Variants in ARHGEF38 observed in about 807,000 individuals in gnomAD.
ARHGEF38 encodes the protein Rho guanine nucleotide exchange factor 38, also known as Rho guanine nucleotide exchange factor (GEF) 38.
ARHGEF38 carries 79 observed loss-of-function variants against 79.9 expected under a neutral mutation model. The ratio of observed to expected loss-of-function variants is 0.99; its 90% confidence interval spans 0.82 to 1.19. The LOEUF (loss-of-function observed/expected upper bound fraction) is 1.19, where lower values mean the gene tolerates loss of function less well. ARHGEF38 is among the 50% of genes most tolerant of loss of function. The pLI, the probability that ARHGEF38 is intolerant of heterozygous loss-of-function variation, is 0.00. For missense variants in ARHGEF38, 962 were observed against 907.2 expected (o/e 1.06, Z -0.78); for synonymous variants, 366 against 328.3 (o/e 1.11, Z -1.24).
chr4:105,625,441 G>A (rs1389526606), intron 3 of ARHGEF38, among the ~76,000 whole-genome samples: 1 of 152,208 alleles, frequency 6.6e-6, no homozygotes, highest in East Asian at 1.9e-4. Context: ...AAGTCTGAAG[G>A]GGATGTGTTC....
intron 13 of ARHGEF38, among the ~76,000 whole-genome samples, chr4:105,673,968 G>C (rs1383149811): frequency 6.6e-6 from 1 of 152,134 alleles, no homozygotes; most frequent in African/African-American, 2.4e-5. Context: ...CATAAATGCT[G>C]ATTCTGTACC....
intron 7 of ARHGEF38, among the ~76,000 whole-genome samples, chr4:105,650,029 T>A (rs1350704237): frequency 6.6e-6 from 1 of 152,230 alleles, no homozygotes; most frequent in Admixed American, 6.5e-5. Context: ...AGATGATGCA[T>A]ACATCAAGAA....
chr4:105,632,206 C>T (rs895541177), intron 4 of ARHGEF38, among the ~76,000 whole-genome samples: 2 of 151,936 alleles, frequency 1.3e-5, no homozygotes, highest in East Asian at 3.9e-4. Context: ...ACTTTATTGC[C>T]GTCTACTGGT....
intron 5 of ARHGEF38, among the ~76,000 whole-genome samples, chr4:105,637,951 C>T (rs1250119235): frequency 1.3e-5 from 2 of 152,120 alleles, no homozygotes; most frequent in Non-Finnish European, 2.9e-5. Flanking sequence ...AAAAGAAGAG[C>T]AATCCCAGCA....
chr4:105,578,530 T>A (rs374139837), intron 1 of ARHGEF38, among the ~76,000 whole-genome samples: 164 of 152,302 alleles, frequency 1.1e-3, no homozygotes, highest in African/African-American at 3.8e-3. Flanking sequence ...TATTGAATTT[T>A]CCCACTATTA....
chr4:105,563,676 G>A (rs60645393), intron 1 of ARHGEF38, among the ~76,000 whole-genome samples: 145,896 of 152,146 alleles, frequency 0.96, 69,970 homozygotes, highest in East Asian at 1. Context: ...TTAGTTTTTA[G>A]TAGTAGTACC....
chr4:105,645,923 G>A (rs1050925730), intron 6 of ARHGEF38, among the ~76,000 whole-genome samples: 2 of 152,158 alleles, frequency 1.3e-5, no homozygotes, highest in African/African-American at 4.8e-5. Flanking sequence ...TTAACTATTT[G>A]TAAGCTAAAA....
Position 105,679,628 on chromosome 4 carries a change from T to G in ARHGEF38, c.*1691T>G, listed in dbSNP as rs1731242055. 1 of 825,496 alleles carries G rather than the reference T, an allele frequency of 1.2e-6. No homozygotes were observed. Among genetic ancestry groups the G allele is most frequent in the Admixed American group, 1.7e-5 (1 of 58,252 alleles). 51.1% of individuals were successfully genotyped at this position (825,496 alleles called of 1,614,324 possible). A position where few individuals can be genotyped will look rare whatever the true frequency, so the allele number is the denominator to read the frequency against. On this transcript the variant is annotated 3_prime_UTR_variant, in exon 14 of 14. Coordinates refer to ENST00000420470, the MANE Select transcript of ARHGEF38 (RefSeq NM_001242729.2). Reference sequence around the variant, plus strand: ...AAAAAATCAACAGCAGCATAAGAAATGGAAGCCAGAGACCTTATGGCATCC... The same window carrying G: ...AAAAAATCAACAGCAGCATAAGAAAGGGAAGCCAGAGACCTTATGGCATCC...
chr4:105,578,830 A>G (rs1726637710), intron 1 of ARHGEF38, among the ~76,000 whole-genome samples: 1 of 152,088 alleles, frequency 6.6e-6, no homozygotes, highest in Admixed American at 6.6e-5. Context: ...GACAGTTGAT[A>G]TTTGGTTTGT....
At chr4:105,624,709 G>A (rs2110508686) in intron 3 of ARHGEF38, among the ~76,000 whole-genome samples, 1 of 152,358 alleles carries the variant, frequency 6.6e-6, no homozygotes, top group South Asian at 2.1e-4. Context: ...AAAGTATTCA[G>A]ATGATCTGGC....
Position 105,679,314 on chromosome 4 carries a change from T to G in ARHGEF38, c.*1377T>G. 1 of 833,738 alleles carries G rather than the reference T, an allele frequency of 1.2e-6. No homozygotes were observed. The highest frequency in any genetic ancestry group is 1.9e-5 in the Admixed American group (1 of 51,474). The allele number at this position is 833,738 out of a possible 1,614,324, so 51.6% of individuals were successfully genotyped here. A position where few individuals can be genotyped will look rare whatever the true frequency, so the allele number is the denominator to read the frequency against. ...GAATCATGCCACTTTGCCTGTAACC[T>G]TTGACTCAATTGGAGGAATATCAAA... is the stretch of plus-strand genomic sequence containing the variant. On this transcript the variant is annotated 3_prime_UTR_variant, in exon 14 of 14. Transcript: ENST00000420470.
chr4:105,631,657 A>AGAT (rs1372111380), intron 4 of ARHGEF38: 1 of 983,960 alleles, frequency 1.0e-6, no homozygotes, highest in East Asian at 1.1e-4. Context: ...AGTATGTGTA[A>AGAT]GATAAAAACC....
In ARHGEF38 at chr4:105,679,803, A is replaced by T. The variant is rs530266600; in HGVS notation, c.*1866A>T. 8.8e-7 allele frequency: 1 copy of T among 1,136,556 alleles called. No homozygotes were observed. Among genetic ancestry groups the T allele is most frequent in the East Asian group, 2.4e-5 (1 of 42,524 alleles). The allele number at this position is 1,136,556 out of a possible 1,614,324, so 70.4% of individuals were successfully genotyped here. A position where few individuals can be genotyped will look rare whatever the true frequency, so the allele number is the denominator to read the frequency against. ...CCTGTCTGTCCAGCTTTACCCACGC[A>T]TCCAGAGAGATGGATATAGGACTCA... On this transcript the variant is annotated 3_prime_UTR_variant, in exon 14 of 14. Coordinates refer to ENST00000420470, the MANE Select transcript of ARHGEF38 (RefSeq NM_001242729.2).
intron 2 of ARHGEF38, among the ~76,000 whole-genome samples, chr4:105,607,378 A>G (rs1416919420): frequency 6.6e-6 from 1 of 152,148 alleles, no homozygotes; most frequent in Non-Finnish European, 1.5e-5. Context: ...TACAAAGAAT[A>G]TTCATTTTTG....
chr4:105,635,038 A>G (rs963208922), intron 4 of ARHGEF38, among the ~76,000 whole-genome samples: 1 of 152,166 alleles, frequency 6.6e-6, no homozygotes, highest in Admixed American at 6.6e-5. Flanking sequence ...TCCTTGTTAT[A>G]TGGCATCATG....
intron 1 of ARHGEF38, among the ~76,000 whole-genome samples, chr4:105,569,464 A>G (rs1330353472): frequency 6.6e-6 from 1 of 152,210 alleles, no homozygotes. Flanking sequence ...TCCAAGGAAA[A>G]GAAAAAGAGG....
chr4:105,561,535 G>A (rs979450158), intron 1 of ARHGEF38: 2 of 149,160 alleles, frequency 1.3e-5, no homozygotes, highest in African/African-American at 4.9e-5. Flanking sequence ...GAATAGAATA[G>A]AATAGAAAAG....
intron 1 of ARHGEF38, among the ~76,000 whole-genome samples, chr4:105,553,542 G>C (rs755600917): frequency 2.0e-5 from 3 of 152,236 alleles, no homozygotes; most frequent in East Asian, 1.9e-4. Context: ...CTCAAATATG[G>C]TAAGAAATGT....
In ARHGEF38 at chr4:105,667,233, A is replaced by G; in HGVS notation, c.1794A>G (p.Glu598=). ...AGCGCAAGTGCAATGCTACACAAGA[A>G]TATGACATCAATCTTCTGGAAGGAG... The part of the protein sequence containing the change: ...QAKRKCNATQ[E]YDINLLEGDL... Residue 598 remains glutamate (E), a synonymous_variant, in exon 12 of 14, where the codon GAA becomes GAG. Coordinates refer to ENST00000420470, the MANE Select transcript of ARHGEF38 (RefSeq NM_001242729.2). 1 of 1,536,214 alleles carries G rather than the reference A, an allele frequency of 6.5e-7. No individual in the cohort carries two copies. The highest frequency in any genetic ancestry group is 8.7e-7 in the Non-Finnish European group (1 of 1,146,924).
Sources: allele counts gnomAD v4.1 joint callset (sites outside exome capture counted in the v4.1 genomes callset), GRCh38; gene constraint gnomAD v4.1.1; transcripts MANE v1.5; gene names NCBI Gene and HGNC (gene_info 2026-07-23, HGNC 2026-07-21).